DRC12: variants seen among roughly 807,000 people sequenced by gnomAD.
DRC12 encodes dynein regulatory complex protein 12.
At chr11:119,190,955 A>G in the DRC12 span, 3 of 1,271,230 alleles carry the variant, frequency 2.4e-6, no homozygotes, top group East Asian at 4.8e-5. The surrounding 1 kb of genome is among the most constrained non-coding windows in gnomAD (Gnocchi z 4.2). Flanking sequence ...CTCCCCCAGC[A>G]TCACCAAATT....
the DRC12 span, chr11:119,195,066 C>A: frequency 2.3e-6 from 3 of 1,309,156 alleles, no homozygotes; most frequent in Non-Finnish European, 3.2e-6. Context: ...CATCCTCACC[C>A]CACACCCTGC....
chr11:119,194,778 T>G, the DRC12 span: 29 of 442,038 alleles, frequency 6.6e-5, no homozygotes, highest in East Asian at 2.2e-4. Context: ...CTGCCCACCC[T>G]CTCTCATCAT....
the DRC12 span, chr11:119,193,730 CCT>C: frequency 2.0e-3 from 3,105 of 1,549,688 alleles, 44 homozygotes; most frequent in African/African-American, 0.031. Flanking sequence ...CCTCCAAGCC[CCT>C]GTCTCCTGCC....
the DRC12 span, chr11:119,194,795 C>A: frequency 1.7e-4 from 95 of 551,672 alleles, no homozygotes; most frequent in East Asian, 2.3e-4. Context: ...TCATCTTTTT[C>A]CACTAGGGGA....
At chr11:119,193,591 C>T in the DRC12 span, 2 of 1,436,640 alleles carry the variant, frequency 1.4e-6, no homozygotes, top group South Asian at 1.5e-5. Flanking sequence ...TCCCAGGAAC[C>T]TACCTGCCTT....
chr11:119,191,549 G>A, the DRC12 span, among the ~76,000 whole-genome samples: 1 of 151,518 alleles, frequency 6.6e-6, no homozygotes, highest in African/African-American at 2.4e-5. Flanking sequence ...GCTCACGCCT[G>A]TAATCCTAGC....
At chr11:119,194,979 G>A in the DRC12 span, 1 of 1,551,322 alleles carries the variant, frequency 6.4e-7, no homozygotes, top group Non-Finnish European at 8.7e-7. Flanking sequence ...CCTGGACTCG[G>A]CCACCACATC....
At chr11:119,195,107 A>G in the DRC12 span, 1 of 851,722 alleles carries the variant, frequency 1.2e-6, no homozygotes, top group Non-Finnish European at 1.9e-6. Flanking sequence ...GAGGACCACT[A>G]AATGAGGTAT....
At chr11:119,194,896 A>C in the DRC12 span, 1 of 1,534,546 alleles carries the variant, frequency 6.5e-7, no homozygotes, top group Non-Finnish European at 8.8e-7. Context: ...CCTGTTGCCC[A>C]CCCATGCCAG....
At chr11:119,192,741 G>T in the DRC12 span, among the ~76,000 whole-genome samples, 1 of 152,046 alleles carries the variant, frequency 6.6e-6, no homozygotes, top group Non-Finnish European at 1.5e-5. Context: ...CTGCCTCCTG[G>T]GTTCAAGCGA....
At chr11:119,193,424 G>A in the DRC12 span, 1 of 873,800 alleles carries the variant, frequency 1.1e-6, no homozygotes. Context: ...GGAAGGGACA[G>A]GAAGCCCGAC....
At chr11:119,193,002 T>G in the DRC12 span, 1 of 694,490 alleles carries the variant, frequency 1.4e-6, no homozygotes, top group East Asian at 2.7e-5. Flanking sequence ...GCTGCAGTCC[T>G]CAGTGGTGGA....
chr11:119,194,253 G>A, the DRC12 span, among the ~76,000 whole-genome samples: 1 of 151,902 alleles, frequency 6.6e-6, no homozygotes, highest in Non-Finnish European at 1.5e-5. Flanking sequence ...GGTGGCTCAC[G>A]CCTGTAATCC....
At chr11:119,190,666 G>T in the DRC12 span, 1 of 1,597,956 alleles carries the variant, frequency 6.3e-7, no homozygotes, top group Non-Finnish European at 8.5e-7. The surrounding 1 kb of genome is among the most constrained non-coding windows in gnomAD (Gnocchi z 4.2). Context: ...GCATGGGGGA[G>T]TCCTGGGTAC....
At chr11:119,194,722 C>CAAAA in the DRC12 span, among the ~76,000 whole-genome samples, 1,102 of 149,432 alleles carry the variant, frequency 7.4e-3, 13 homozygotes, top group Non-Finnish European at 8.5e-3. Context: ...CCAAAAAAAA[C>CAAAA]AAAAAACAAA....
the DRC12 span, among the ~76,000 whole-genome samples, chr11:119,194,084 C>T: frequency 2.0e-5 from 3 of 152,258 alleles, no homozygotes; most frequent in East Asian, 5.8e-4. Flanking sequence ...TAAAAACTCC[C>T]TCTATGTTCT....
chr11:119,193,653 C>A, the DRC12 span: 1 of 1,491,684 alleles, frequency 6.7e-7, no homozygotes, highest in Middle Eastern at 1.8e-4. Context: ...AGACCAAGAC[C>A]AGGCCTGGCA....
At chr11:119,194,515 CAAAAAAA>C in the DRC12 span, among the ~76,000 whole-genome samples, 5 of 27,492 alleles carry the variant, frequency 1.8e-4, no homozygotes, top group African/African-American at 5.6e-4. Flanking sequence ...GACTCTGTCT[CAAAAAAA>C]AAAAAAAAAA....
chr11:119,193,970 C>G, the DRC12 span: 73 of 1,391,496 alleles, frequency 5.2e-5, no homozygotes, highest in Non-Finnish European at 6.9e-5. Flanking sequence ...TTGCCCACCT[C>G]TAGAAATCTG....
Sources: gnomAD v4.1 joint callset for allele counts (sites outside exome capture counted in the v4.1 genomes callset) on GRCh38, gnomAD v4.1.1 for gene constraint, Gnocchi (gnomAD v3.1) non-coding constraint, MANE v1.5 for transcripts, NCBI Gene and HGNC (gene_info 2026-07-23, HGNC 2026-07-21) for gene names.